SLC38A4: variants seen among roughly 807,000 people sequenced by gnomAD.
SLC38A4 encodes sodium-coupled neutral amino acid transporter 4.
SLC38A4 carries 20 observed loss-of-function variants against 63.1 expected under a neutral mutation model. The observed-to-expected ratio is 0.32, with a 90% CI of 0.22 to 0.46. The LOEUF (loss-of-function observed/expected upper bound fraction) is 0.46. Ranked by LOEUF, SLC38A4 falls within the 20% of genes least tolerant of loss-of-function variation. The pLI is 1.00. For synonymous variants in SLC38A4, 230 were observed against 225.5 expected, an observed-to-expected ratio of 1.02 and a Z score of -0.18; for missense variants, 526 against 663.6, an observed-to-expected ratio of 0.79 and a Z score of 2.28.
intron 14 of SLC38A4, among the ~76,000 whole-genome samples, chr12:46,772,066 AG>A (rs1359099012): frequency 1.3e-5 from 2 of 151,218 alleles, no homozygotes; most frequent in African/African-American, 4.9e-5. Context: ...ATTCTGATGC[AG>A]GGGCCCAATG....
In SLC38A4 at chr12:46,775,116, G is replaced by A. The variant is rs1938494926; in HGVS notation, c.1232C>T (p.Pro411Leu). 1 of 1,612,848 alleles carries A rather than the reference G, an allele frequency of 6.2e-7. No individual in the cohort carries two copies. Among genetic ancestry groups the A allele is most frequent in the African/African-American group, 1.3e-5 (1 of 74,934 alleles). ...AYSKVYTLDI[P>L]LLMVRLAVLV... ...GACTGCCAGGCGAACCATGAGAAGAGGGATGTCTAATGTATACACTTTGCT... is the reference window on the plus strand; with the variant it reads ...GACTGCCAGGCGAACCATGAGAAGAAGGATGTCTAATGTATACACTTTGCT... Residue 411 changes from proline to leucine, a missense_variant, in exon 14 of 17, where the codon CCT (proline) becomes CTT (leucine). Physicochemically the swap from Pro to Leu is moderately conservative, Grantham distance 98. Coordinates refer to ENST00000266579, the MANE Select transcript of SLC38A4 (RefSeq NM_018018.5).
chr12:46,769,429 C>T lies in SLC38A4; in HGVS notation c.1300-1G>A. The T allele has an allele frequency of 6.2e-7, 1 of 1,611,284 alleles. No homozygotes were observed. The highest frequency in any genetic ancestry group is 8.5e-7 in the Non-Finnish European group (1 of 1,178,044). ...ACAGTGTGATCACTGATGTACGAAT[C>T]TTAAACAAGAAAGTTCAAAGGCAAG... On this transcript the variant is annotated splice_acceptor_variant, in intron 14 of 16. Transcript: ENST00000266579. LOFTEE classifies it high-confidence loss of function.
At chr12:46,830,624 T>C (rs1423393539), upstream of SLC38A4, among the ~76,000 whole-genome samples, 1 of 152,070 alleles carries the variant, frequency 6.6e-6, no homozygotes, top group Non-Finnish European at 1.5e-5. Flanking sequence ...TCCTTTAAGG[T>C]GAGAAACTGC....
chr12:46,810,827 C>T (rs1358580442), intron 1 of SLC38A4, among the ~76,000 whole-genome samples: 2 of 152,122 alleles, frequency 1.3e-5, no homozygotes, highest in Non-Finnish European at 2.9e-5. Context: ...TGGGCATTAG[C>T]CACTAGCTAA....
At chr12:46,768,540 C>T (rs1592172876) in intron 15 of SLC38A4, 133 bp from the exon 16 acceptor site, 1 of 501,784 alleles carries the variant, frequency 2.0e-6, no homozygotes, top group East Asian at 3.2e-5. Context: ...ACACTTAAGT[C>T]ACATAAGCTC....
At chr12:46,810,997 G>A (rs1939330336) in intron 1 of SLC38A4, among the ~76,000 whole-genome samples, 1 of 151,944 alleles carries the variant, frequency 6.6e-6, no homozygotes, top group Non-Finnish European at 1.5e-5. Flanking sequence ...TTCCCCATCT[G>A]CAAGAGATAT....
intron 1 of SLC38A4, among the ~76,000 whole-genome samples, chr12:46,811,989 A>G (rs544916132): frequency 6.6e-6 from 1 of 152,198 alleles, no homozygotes; most frequent in Admixed American, 6.5e-5. Context: ...CTGAATTTCA[A>G]CATATTTCAA....
At chr12:46,809,468 A>C (rs1939298987) in intron 1 of SLC38A4, among the ~76,000 whole-genome samples, 1 of 151,990 alleles carries the variant, frequency 6.6e-6, no homozygotes, top group Non-Finnish European at 1.5e-5. Context: ...TCTGCCTGAA[A>C]AGCTTATTTC....
chr12:46,817,577 C>T (rs1163938010), intron 1 of SLC38A4, among the ~76,000 whole-genome samples: 1 of 151,772 alleles, frequency 6.6e-6, no homozygotes, highest in Admixed American at 6.6e-5. Flanking sequence ...TGCTCCCTCC[C>T]CTGAAACCAA....
chr12:46,811,529 G>A (rs1468068986), intron 1 of SLC38A4, among the ~76,000 whole-genome samples: 1 of 152,048 alleles, frequency 6.6e-6, no homozygotes, highest in African/African-American at 2.4e-5. Flanking sequence ...AAAGGTCAGT[G>A]CAGGGATCAC....
intron 12 of SLC38A4, 49 bp from the exon 13 acceptor site, chr12:46,777,053 A>T: frequency 6.8e-7 from 1 of 1,462,678 alleles, no homozygotes; most frequent in Non-Finnish European, 9.4e-7. Flanking sequence ...TTACAAAAAA[A>T]AATCACTTTT....
intron 1 of SLC38A4, among the ~76,000 whole-genome samples, chr12:46,823,493 AACC>A (rs1227961708): frequency 2.6e-4 from 39 of 152,274 alleles, no homozygotes; most frequent in African/African-American, 9.4e-4. Flanking sequence ...GAGACTTTGG[AACC>A]ACCATTGCCA....
rs1407911878 is a variant in SLC38A4, at chr12:46,766,816, A to T, written c.1543-14T>A. 6 of 1,561,710 alleles carry T rather than the reference A, an allele frequency of 3.8e-6. No homozygotes were observed. In the East Asian group the frequency reaches 1.4e-4, roughly 35 times the overall value. ...GAAAATTAAAGCCTGTAATTCAGAG[A>T]GACTCTGTTAGGAGCACAGAAACCA... On this transcript the variant is annotated splice_polypyrimidine_tract_variant and intron_variant, in intron 16 of 16. Transcript: ENST00000266579.
At chr12:46,773,925 C>T (rs1200434771) in intron 14 of SLC38A4, among the ~76,000 whole-genome samples, 2 of 152,040 alleles carry the variant, frequency 1.3e-5, no homozygotes, top group African/African-American at 4.8e-5. Flanking sequence ...AAAAGAAGGG[C>T]TCCAGATATC....
chr12:46,804,618 G>A (rs1419289009), intron 1 of SLC38A4, among the ~76,000 whole-genome samples: 2 of 151,942 alleles, frequency 1.3e-5, no homozygotes, highest in South Asian at 2.1e-4. Context: ...ATTGCTCCTC[G>A]AGTAAGATAT....
At chr12:46,787,531 G>A (rs1440802949) in intron 5 of SLC38A4, among the ~76,000 whole-genome samples, 4 of 152,112 alleles carry the variant, frequency 2.6e-5, no homozygotes, top group African/African-American at 9.7e-5. Context: ...ATTGTGCCCA[G>A]TGTATCTGTC....
At chr12:46,821,173 C>T (rs2120921358) in intron 1 of SLC38A4, among the ~76,000 whole-genome samples, 1 of 152,138 alleles carries the variant, frequency 6.6e-6, no homozygotes, top group African/African-American at 2.4e-5. Flanking sequence ...TGATGTAGTA[C>T]TGCGTGTCTA....
chr12:46,801,109 T>C (rs1191708821), intron 2 of SLC38A4, among the ~76,000 whole-genome samples: 1 of 152,168 alleles, frequency 6.6e-6, no homozygotes, highest in Admixed American at 6.6e-5. Flanking sequence ...CGTTGTTAAT[T>C]CAATTGACTC....
chr12:46,792,908 C>A, intron 3 of SLC38A4, 45 bp downstream of exon 3: 1 of 1,399,224 alleles, frequency 7.1e-7, no homozygotes, highest in Non-Finnish European at 1.0e-6. Flanking sequence ...ATGTCCACAT[C>A]CTGTCTTATT....
Sources: allele counts gnomAD v4.1 joint callset (sites outside exome capture counted in the v4.1 genomes callset), GRCh38; gene constraint gnomAD v4.1.1; transcripts MANE v1.5; gene names NCBI Gene and HGNC (gene_info 2026-07-23, HGNC 2026-07-21).